Variants in RBFOX1 observed in about 807,000 individuals in gnomAD.
RBFOX1 encodes the protein RNA binding protein fox-1 homolog 1.
In RBFOX1, 8 loss-of-function variants were observed where a neutral mutation model predicts 57.7. That is an observed-to-expected ratio of 0.14 (90% CI 0.08 to 0.25). The LOEUF (loss-of-function observed/expected upper bound fraction) is 0.25, where lower values mean the gene tolerates loss of function less well. RBFOX1 is among the 10% of genes least tolerant of loss of function. The pLI, the probability that RBFOX1 is intolerant of heterozygous loss-of-function variation, is 1.00. For missense variants in RBFOX1, 611 were observed against 548.5 expected (o/e 1.11, Z -1.14); for synonymous variants, 326 against 222.4 (o/e 1.47, Z -4.15).
chr16:7,358,656 G>A (rs925629412), intron 4 of RBFOX1, among the ~76,000 whole-genome samples: 2 of 152,156 alleles, frequency 1.3e-5, no homozygotes, highest in Non-Finnish European at 2.9e-5. Flanking sequence ...CTGGCCTCAG[G>A]TGATCCACCC....
At chr16:7,075,254 G>A (rs1169289107) in intron 4 of RBFOX1, among the ~76,000 whole-genome samples, 3 of 152,202 alleles carry the variant, frequency 2.0e-5, no homozygotes, top group African/African-American at 7.2e-5. Flanking sequence ...TCATTGCTCA[G>A]TGATGATCAA....
intron 4 of RBFOX1, among the ~76,000 whole-genome samples, chr16:5,890,017 T>C (rs1426916964): frequency 6.6e-6 from 1 of 152,106 alleles, no homozygotes; most frequent in Non-Finnish European, 1.5e-5. Context: ...TGCAGCAAAG[T>C]GGACATGACA....
chr16:7,567,619 CTATA>C (rs368067278), intron 5 of RBFOX1, among the ~76,000 whole-genome samples: 273 of 24,970 alleles, frequency 0.011, 10 homozygotes, highest in East Asian at 0.035. Context: ...TTATATGGCC[CTATA>C]TATATATATA....
chr16:5,511,146 A>C (rs1244481602), intron 2 of RBFOX1, among the ~76,000 whole-genome samples: 1 of 152,208 alleles, frequency 6.6e-6, no homozygotes, highest in African/African-American at 2.4e-5. Context: ...AACTCAGCCT[A>C]AGCCCTGGCC....
chr16:7,708,918 C>A (rs781512281), intron 14 of RBFOX1, 138 bp from the exon 15 acceptor site: 24 of 717,838 alleles, frequency 3.3e-5, no homozygotes, highest in Non-Finnish European at 5.6e-5. Context: ...TCTTATACTA[C>A]ACAGCAGAGT....
Position 6,985,501 on chromosome 16 carries a change from A to G in RBFOX1, c.-15-66556A>G, listed in dbSNP as rs9923284. 3.8e-3 allele frequency among the ~76,000 whole-genome samples: 576 copies of G among 152,216 alleles called. 7 individuals carry two copies. The highest frequency in any genetic ancestry group is 0.013 in the African/African-American group (552 of 41,532). ...CATCTCTTAAAAAATTAATTAACTA[A>G]AGAACACTATGTGTGGAAAATACTG... is the stretch of plus-strand genomic sequence containing the variant. On this transcript the variant is annotated intron_variant, in intron 3 of 15. Transcript: ENST00000550418.
In RBFOX1 at chr16:6,329,881, T is replaced by G. The variant is rs372997556; in HGVS notation, c.-64+12824T>G. 1.8e-4 allele frequency among the ~76,000 whole-genome samples: 27 copies of G among 152,294 alleles called. No individual in the cohort carries two copies. The East Asian group carries it at 4.1e-3, about 23-fold the overall frequency. ...TGAACCCAGGAGACAGAGGTTGCAG[T>G]GAGCCCAGATCACATGACTGCACTC... On this transcript the variant is annotated intron_variant, in intron 2 of 15. Coordinates refer to ENST00000550418, the MANE Select transcript of RBFOX1 (RefSeq NM_018723.4).
At chr16:7,248,810 G>T (rs1204743211) in intron 4 of RBFOX1, among the ~76,000 whole-genome samples, 1 of 152,126 alleles carries the variant, frequency 6.6e-6, no homozygotes, top group Non-Finnish European at 1.5e-5. Flanking sequence ...ATTTATAACA[G>T]TTGCCTTTTT....
chr16:6,766,202 A>G (rs183963971), intron 3 of RBFOX1, among the ~76,000 whole-genome samples: 198 of 152,214 alleles, frequency 1.3e-3, no homozygotes, highest in African/African-American at 4.6e-3. Flanking sequence ...CATGAATAAG[A>G]GCCCTTCAGT....
chr16:7,309,985 G>A (rs564998461), intron 4 of RBFOX1, among the ~76,000 whole-genome samples: 3 of 152,184 alleles, frequency 2.0e-5, no homozygotes, highest in Non-Finnish European at 2.9e-5. Flanking sequence ...TCCTATTGCC[G>A]GGTGCTGCCC....
chr16:7,208,993 G>C (rs972972167), intron 4 of RBFOX1, among the ~76,000 whole-genome samples: 1 of 151,934 alleles, frequency 6.6e-6, no homozygotes, highest in African/African-American at 2.4e-5. Context: ...ATGCATGTCT[G>C]TGTCCAAAAT....
In RBFOX1 at chr16:7,104,065, A is replaced by G. The variant is rs1415467558; in HGVS notation, c.27+51967A>G. 2.0e-5 allele frequency among the ~76,000 whole-genome samples: 3 copies of G among 152,212 alleles called. No homozygotes were observed. The East Asian group carries it at 5.8e-4, about 29-fold the overall frequency. ...ATAAAATCTAAAATAGTTCGTTACT[A>G]AAAGCAATCCTGCAATCCCACAGAT... is the stretch of plus-strand genomic sequence containing the variant. On this transcript the variant is annotated intron_variant, in intron 4 of 15. Coordinates refer to ENST00000550418, the MANE Select transcript of RBFOX1 (RefSeq NM_018723.4).
At chr16:7,370,561 G>T (rs1284798400) in intron 4 of RBFOX1, among the ~76,000 whole-genome samples, 2 of 152,254 alleles carry the variant, frequency 1.3e-5, no homozygotes, top group South Asian at 4.1e-4. Context: ...TAAAGGGCAT[G>T]CTTGATATTT....
intron 1 of RBFOX1, among the ~76,000 whole-genome samples, chr16:5,284,755 G>GATTTTTTT: frequency 3.5e-5 from 1 of 28,532 alleles, no homozygotes; most frequent in East Asian, 1.2e-3. Context: ...TTTTGGCTTA[G>GATTTTTTT]ATTTTTTTTT....
chr16:7,616,722 G>A (rs935696580), intron 10 of RBFOX1, among the ~76,000 whole-genome samples: 5 of 152,010 alleles, frequency 3.3e-5, no homozygotes, highest in African/African-American at 9.7e-5. Context: ...AGTAGAGATG[G>A]GCTTTCATCA....
chr16:7,175,204 C>T (rs2081413857), intron 4 of RBFOX1, among the ~76,000 whole-genome samples: 1 of 151,958 alleles, frequency 6.6e-6, no homozygotes. Context: ...TCCTATCCAC[C>T]CCAGCCCCCA....
At position 5,845,054 on chromosome 16, in the gene RBFOX1, C is replaced by T. The variant is rs550207197; in HGVS notation, c.319-22249C>T. Among the ~76,000 whole-genome samples the T allele has an allele frequency of 2.2e-3, 304 of 136,124 alleles. 4 individuals are homozygous for T. The highest frequency in any genetic ancestry group is 0.021 in the Admixed American group (282 of 13,232). 89.3% of individuals were successfully genotyped at this position (136,124 alleles called of 152,430 possible). On this transcript the variant is annotated intron_variant, in intron 3 of 19. Coordinates refer to the RBFOX1 transcript ENST00000641259. Reference sequence around the variant, plus strand: ...TTTAGGGAAAGGAAAGCTAATTACCCGAGATTCTTTTTTTTTTTTTTTTTT... The same window carrying T: ...TTTAGGGAAAGGAAAGCTAATTACCTGAGATTCTTTTTTTTTTTTTTTTTT...
rs148630525 is a variant in RBFOX1 at position 5,483,717 on chromosome 16, A to T, written c.258+16463A>T. Among the ~76,000 whole-genome samples, 25 of 152,296 alleles carry T rather than the reference A, an allele frequency of 1.6e-4. 1 individual carries two copies. In the East Asian group the frequency reaches 4.8e-3, roughly 29 times the overall value. Reference sequence around the variant, plus strand: ...CACTGTTGGGTGAATACAGATATGGATGAGTGTATTAGTTATCTATTGCTG... The same window carrying T: ...CACTGTTGGGTGAATACAGATATGGTTGAGTGTATTAGTTATCTATTGCTG... On this transcript the variant is annotated intron_variant, in intron 2 of 2. Coordinates refer to the RBFOX1 transcript ENST00000585867.
chr16:6,607,542 C>T (rs1263563156), intron 2 of RBFOX1, among the ~76,000 whole-genome samples: 2 of 148,124 alleles, frequency 1.4e-5, no homozygotes, highest in Non-Finnish European at 3.0e-5. Context: ...CTCCCTCTTT[C>T]TTCCTCCTCT....
Sources: allele counts gnomAD v4.1 joint callset (sites outside exome capture counted in the v4.1 genomes callset), GRCh38; gene constraint gnomAD v4.1.1; transcripts MANE v1.5; gene names NCBI Gene and HGNC (gene_info 2026-07-23, HGNC 2026-07-21).